KAT2A: variants seen among roughly 807,000 people sequenced by gnomAD.
KAT2A encodes the protein histone acetyltransferase KAT2A.
In KAT2A, 42 loss-of-function variants were observed where a neutral mutation model predicts 95.2. That is an observed-to-expected ratio of 0.44 (90% confidence interval 0.34 to 0.57). The LOEUF (loss-of-function observed/expected upper bound fraction) is 0.57, where lower values mean the gene tolerates loss of function less well. KAT2A is among the 20% of genes least tolerant of loss of function. KAT2A has a pLI of 0.01. For synonymous variants in KAT2A, 449 were observed against 448.2 expected (o/e 1.00, Z -0.02); for missense variants, 784 against 1,126.3 (o/e 0.70, Z 4.35).
In KAT2A at chr17:42,114,289, C is replaced by A. The variant is rs964365167; in HGVS notation, c.2172-7G>T. The A allele has an allele frequency of 1.2e-6, 2 of 1,612,202 alleles. No homozygotes were observed. Among genetic ancestry groups the A allele is most frequent in the Non-Finnish European group, 1.7e-6 (2 of 1,178,868 alleles). On this transcript the variant is annotated splice_polypyrimidine_tract_variant and splice_region_variant and intron_variant, in intron 15 of 17. Coordinates refer to ENST00000225916, the MANE Select transcript of KAT2A (RefSeq NM_021078.3). The surrounding 1 kb of genome is among the most constrained non-coding windows in gnomAD (Gnocchi z 6.0). ...GGGGTCCTTCAGCTCCTTCCTGGGG[C>A]GAGAGACACCAAGTCTGAGGCTCCA...
rs538458369 is a variant in KAT2A at position 42,117,568 on chromosome 17, C to T, written c.1457G>A (p.Arg486Gln). The stretch of plus-strand genomic sequence containing the variant: ...CTCCTCCAGGCGGGCTGTCTCATCC[C>T]GGGCCGCATTGGCCGAAAGCAGGCT... ...ETSLLSANAA[R>Q]DETARLEERR... The change falls in exon 10 of 18, where the codon CGG (arginine) becomes CAG (glutamine). Residue 486 changes from arginine (R) to glutamine (Q), a missense_variant. Arg to Gln is a conservative substitution (Grantham distance 43, BLOSUM62 1). Around this residue, in one of 6 missense-constraint regions of KAT2A, gnomAD observed 174 missense variants for 324.9 expected, o/e 0.54. Coordinates refer to ENST00000225916, the MANE Select transcript of KAT2A (RefSeq NM_021078.3). This position sits in a 1 kb window ranked among gnomAD's most constrained non-coding sequence, Gnocchi z 8.9. 6.2e-7 allele frequency: 1 copy of T among 1,613,022 alleles called. No homozygotes were observed. Among genetic ancestry groups the T allele is most frequent in the Non-Finnish European group, 8.5e-7 (1 of 1,179,860 alleles).
intron 2 of KAT2A, 135 bp downstream of exon 2, chr17:42,120,571 C>G: frequency 8.7e-7 from 1 of 1,152,756 alleles, no homozygotes; most frequent in South Asian, 1.4e-5. Flanking sequence ...CCCCTTGGTG[C>G]ACACCCCCCC....
In KAT2A at chr17:42,113,694, C is replaced by A. The variant is rs2054204505; in HGVS notation, c.2469G>T (p.Lys823Asn). 4 of 1,611,280 alleles carry A rather than the reference C, an allele frequency of 2.5e-6. No individual in the cohort carries two copies. The highest frequency in any genetic ancestry group is 2.5e-6 in the Non-Finnish European group (3 of 1,179,192). ...EYCRCASALE[K>N]FFYFKLKEGG... ...CCTCCTTGAGCTTGAAGTAGAAGAA[C>A]TTCTCCAGGGCGCTGGCACAGCGGC... The change falls in exon 18 of 18, where the codon AAG becomes AAT. Residue 823 changes from lysine to asparagine, a missense_variant. Physicochemically the swap from Lys to Asn is moderately conservative, Grantham distance 94. Coordinates refer to ENST00000225916, the MANE Select transcript of KAT2A (RefSeq NM_021078.3).
rs1013020890 is a variant in KAT2A at position 42,115,139 on chromosome 17, C to G, written c.1876-104G>C. On this transcript the variant is annotated intron_variant, in intron 12 of 17. Transcript: ENST00000225916. ...AGGAGTAGCACGTGCCACTTGCCAC[C>G]TCCTGCTCCTGAACCTCCTCCTGGG... The G allele has an allele frequency of 2.0e-5, 24 of 1,179,310 alleles. 1 individual carries two copies. In the African/African-American group the frequency reaches 2.4e-4, roughly 12 times the overall value. 73.1% of individuals were successfully genotyped at this position (1,179,310 alleles called of 1,614,324 possible).
rs1555666440 is a variant in KAT2A at position 42,118,010 on chromosome 17, G to T, written c.1188C>A (p.Val396=). The T allele has an allele frequency of 6.3e-7, 1 of 1,579,882 alleles. No individual in the cohort carries two copies. Among genetic ancestry groups the T allele is most frequent in the Non-Finnish European group, 8.6e-7 (1 of 1,165,098 alleles). Residue 396 remains valine, a synonymous_variant, in exon 8 of 18, where the codon GTC becomes GTA. Transcript: ENST00000225916. ...GGGTGCTGGGAACAACCGCTGCACT[G>T]ACTGAAGCTGAGGAGAGAGAGAGAC... ...GTQLVPRPAS[V]SAAVVPSTPI...
Position 42,117,001 on chromosome 17 carries a change from T to C in KAT2A, c.1764+34A>G. The C allele has an allele frequency of 1.2e-6, 2 of 1,611,780 alleles. No homozygotes were observed. The highest frequency in any genetic ancestry group is 8.5e-7 in the Non-Finnish European group (1 of 1,179,462). ...CTGGCCCAAACTCAGGAGTGGGCCG[T>C]GGACTGGGGCTGGGGCCGGGGAGCC... On this transcript the variant is annotated intron_variant, in intron 11 of 17. Transcript: ENST00000225916. The surrounding 1 kb of genome is among the most constrained non-coding windows in gnomAD (Gnocchi z 8.9).
intron 2 of KAT2A, 75 bp downstream of exon 2, chr17:42,120,631 C>A: frequency 6.3e-7 from 1 of 1,575,630 alleles, no homozygotes; most frequent in Non-Finnish European, 8.6e-7. Flanking sequence ...AGAGATGAAG[C>A]TTTGTGGCAC....
At position 42,117,789 on chromosome 17, in the gene KAT2A, G is replaced by A; in HGVS notation, c.1317C>T (p.Asn439=). 5.0e-6 allele frequency: 8 copies of A among 1,614,038 alleles called. No homozygotes were observed. Among genetic ancestry groups the A allele is most frequent in the Non-Finnish European group, 6.8e-6 (8 of 1,179,914 alleles). The change falls in exon 9 of 18, where the codon AAC becomes AAT. Residue 439 remains asparagine, a synonymous_variant. Transcript: ENST00000225916. The surrounding 1 kb of genome is among the most constrained non-coding windows in gnomAD (Gnocchi z 8.9). ...MPGEKRTLPE[N]LTLEDAKRLR... is the part of the protein sequence containing the mutation. ...GCCGCTTGGCATCCTCCAGGGTCAG[G>A]TTCTCTGGGAGCGTCCTCTTCTCGC...
chr17:42,115,685 C>CA, intron 12 of KAT2A, 38 bp downstream of exon 12: 1 of 1,325,870 alleles, frequency 7.5e-7, no homozygotes, highest in South Asian at 1.2e-5. Flanking sequence ...CCCCAGCCTC[C>CA]AGGCAAAGGA....
intron 7 of KAT2A, 125 bp downstream of exon 7, chr17:42,118,172 T>C: frequency 1.2e-6 from 1 of 815,528 alleles, no homozygotes; most frequent in Admixed American, 2.3e-5. Flanking sequence ...CTGGGGGGGC[T>C]GAAGCCGGTG....
In KAT2A at chr17:42,121,211, G is replaced by T; in HGVS notation, c.94C>A (p.Pro32Thr). 7.4e-7 allele frequency: 1 copy of T among 1,344,732 alleles called. No homozygotes were observed. Among genetic ancestry groups the T allele is most frequent in the Non-Finnish European group, 9.8e-7 (1 of 1,016,464 alleles). 83.3% of individuals were successfully genotyped at this position (1,344,732 alleles called of 1,614,324 possible). Residue 32 changes from proline (P) to threonine (T), a missense_variant, in exon 1 of 18, where the codon CCC (proline) becomes ACC (threonine). This residue lies in a region of KAT2A where 142 missense variants were observed against 123.2 expected (regional missense o/e 1.15). Transcript: ENST00000225916. ...PAPAPTPTPAPSPASAPIPTP... is the reference protein window; with the variant it reads ...PAPAPTPTPATSPASAPIPTP... ...GGAATCGGGGCTGAAGCCGGGCTGG[G>T]TGCAGGAGTCGGAGTTGGGGCAGGG...
chr17:42,115,587 G>C, intron 12 of KAT2A, 136 bp downstream of exon 12: 1 of 672,248 alleles, frequency 1.5e-6, no homozygotes, highest in East Asian at 2.7e-5. Context: ...AAAGAAGATA[G>C]GCATGGAGAC....
rs1220553754 is a variant in KAT2A, at chr17:42,119,806, C to T, written c.700-88G>A. The T allele has an allele frequency of 8.2e-7, 1 of 1,218,558 alleles. No individual in the cohort carries two copies. The highest frequency in any genetic ancestry group is 1.1e-6 in the Non-Finnish European group (1 of 873,114). The allele number at this position is 1,218,558 out of a possible 1,614,324, so 75.5% of individuals were successfully genotyped here. A position where few individuals can be genotyped will look rare whatever the true frequency, so the allele number is the denominator to read the frequency against. On this transcript the variant is annotated intron_variant, in intron 4 of 17. Transcript: ENST00000225916. This position sits in a 1 kb window ranked among gnomAD's most constrained non-coding sequence, Gnocchi z 5.3. The stretch of plus-strand genomic sequence containing the variant: ...TTAGACAAAGGAAGATGCTCCCTGG[C>T]CAGGGACAAGGTTCTCCTTCTCCTC...
At position 42,121,072 on chromosome 17, in the gene KAT2A, C is replaced by T. The variant is rs1555667228; in HGVS notation, c.233G>A (p.Arg78Gln). 8.9e-6 allele frequency: 14 copies of T among 1,568,318 alleles called. No individual in the cohort carries two copies. The highest frequency in any genetic ancestry group is 1.1e-5 in the Non-Finnish European group (13 of 1,160,130). Residue 78 changes from arginine to glutamine, a missense_variant, in exon 1 of 18, where the codon CGA becomes CAA. Around this residue, in one of 6 missense-constraint regions of KAT2A, gnomAD observed 142 missense variants for 123.2 expected, o/e 1.15. Transcript: ENST00000225916. ...GGAGSGGDPA[R>Q]PGLSQQQRAS... ...GCGCTGCTGCTGGCTCAGGCCAGGT[C>T]GAGCCGGATCCCCCCCGCTCCCGGC...
chr17:42,117,762 G>A lies in KAT2A; in HGVS notation c.1344C>T (p.Leu448=). 4.3e-6 allele frequency: 7 copies of A among 1,614,028 alleles called. No individual in the cohort carries two copies. The highest frequency in any genetic ancestry group is 5.9e-6 in the Non-Finnish European group (7 of 1,179,914). The change falls in exon 9 of 18, where the codon CTC becomes CTT. Residue 448 remains leucine (L), a synonymous_variant. Transcript: ENST00000225916. The surrounding 1 kb of genome is among the most constrained non-coding windows in gnomAD (Gnocchi z 8.9). ...ENLTLEDAKR[L]RVMGDIPMEL... Reference sequence around the variant, plus strand: ...CCATGGGGATGTCACCCATCACACGGAGCCGCTTGGCATCCTCCAGGGTCA... The same window carrying A: ...CCATGGGGATGTCACCCATCACACGAAGCCGCTTGGCATCCTCCAGGGTCA...
In KAT2A at chr17:42,114,825, C is replaced by T. The variant is rs2054231467; in HGVS notation, c.2019+67G>A. On this transcript the variant is annotated intron_variant, in intron 13 of 17. Transcript: ENST00000225916. This position sits in a 1 kb window ranked among gnomAD's most constrained non-coding sequence, Gnocchi z 6.0. ...CATGTAGACGTAGAACAGGTCTACA[C>T]ACGTGTGCTCGCCCTCTGCATGCCC... The T allele has an allele frequency of 6.6e-7, 1 of 1,526,032 alleles. No homozygotes were observed. Among genetic ancestry groups the T allele is most frequent in the East Asian group, 2.2e-5 (1 of 44,476 alleles). The allele number at this position is 1,526,032 out of a possible 1,614,324, so 94.5% of individuals were successfully genotyped here.
chr17:42,117,666 C>A lies in KAT2A; in HGVS notation c.1428+12G>T, dbSNP rs782292863. ...GGGGTCCCCCAACTGGTCAGCAGGT[C>A]GGGCTGCCCACCTCAGGCCCCAGCA... is the stretch of plus-strand genomic sequence containing the variant. On this transcript the variant is annotated intron_variant, in intron 9 of 17. Transcript: ENST00000225916. The surrounding 1 kb of genome is among the most constrained non-coding windows in gnomAD (Gnocchi z 8.9). 6.2e-7 allele frequency: 1 copy of A among 1,606,346 alleles called. No individual in the cohort carries two copies.
intron 12 of KAT2A, among the ~76,000 whole-genome samples, 184 bp downstream of exon 12, chr17:42,115,539 C>A (rs191356084): frequency 6.6e-6 from 1 of 151,826 alleles, no homozygotes; most frequent in Non-Finnish European, 1.5e-5. Flanking sequence ...ACTGGCCCCA[C>A]AGGCCCTCAT....
rs782801841 is a variant in KAT2A at position 42,120,390 on chromosome 17, G to A, written c.464-20C>T. On this transcript the variant is annotated intron_variant, in intron 2 of 17. Coordinates refer to ENST00000225916, the MANE Select transcript of KAT2A (RefSeq NM_021078.3). Reference sequence around the variant, plus strand: ...GGTCAGCTGCAAGACAGATGGCAGAGTTAGGAAAAATTGATAGAAGAAATC... The same window carrying A: ...GGTCAGCTGCAAGACAGATGGCAGAATTAGGAAAAATTGATAGAAGAAATC... 1.2e-6 allele frequency: 2 copies of A among 1,613,458 alleles called. No homozygotes were observed. The highest frequency in any genetic ancestry group is 2.2e-5 in the East Asian group (1 of 44,882).
Sources: allele counts gnomAD v4.1 joint callset (sites outside exome capture counted in the v4.1 genomes callset), GRCh38; gene constraint gnomAD v4.1.1; regional missense constraint gnomAD v4.1.1; non-coding constraint Gnocchi (gnomAD v3.1); transcripts MANE v1.5; gene names NCBI Gene and HGNC (gene_info 2026-07-23, HGNC 2026-07-21).